The following TENM3 variants were observed in gnomAD, a reference collection of about 807,000 sequenced individuals.
TENM3 encodes the protein teneurin transmembrane protein 3, also known as teneurin-3.
TENM3 carries 63 observed loss-of-function variants against 255.1 expected under a neutral mutation model. The ratio of observed to expected loss-of-function variants is 0.25; its 90% CI spans 0.20 to 0.30. The LOEUF (loss-of-function observed/expected upper bound fraction) is 0.30, where lower values mean the gene tolerates loss of function less well. TENM3 is among the 10% of genes least tolerant of loss of function. The pLI is 1.00. For missense variants in TENM3, 2,929 were observed against 3,461.1 expected (o/e 0.85, Z 3.86); for synonymous variants, 1,306 against 1,322.3 (o/e 0.99, Z 0.27).
intron 19 of TENM3, among the ~76,000 whole-genome samples, chr4:182,749,983 G>GAAA (rs201463686): frequency 0.093 from 4,367 of 47,158 alleles, 166 homozygotes; most frequent in East Asian, 0.46. Context: ...TTATAGAAAG[G>GAAA]AAAAAAAAAA....
At chr4:182,441,561 A>G (rs4861511) in intron 3 of TENM3, among the ~76,000 whole-genome samples, 150,880 of 152,302 alleles carry the variant, frequency 0.99, 74,752 homozygotes, top group East Asian at 1. Flanking sequence ...GCAGTGGTGC[A>G]ATCTCCGCTC....
At chr4:182,318,267 C>T (rs1350606787) in intron 1 of TENM3, among the ~76,000 whole-genome samples, 1 of 151,980 alleles carries the variant, frequency 6.6e-6, no homozygotes, top group Non-Finnish European at 1.5e-5. Context: ...TATATATAAC[C>T]TTATGGAATT....
At chr4:182,296,686 A>G (rs944681809) in intron 1 of TENM3, among the ~76,000 whole-genome samples, 10 of 152,206 alleles carry the variant, frequency 6.6e-5, no homozygotes, top group Admixed American at 6.5e-4. Context: ...GCATCTTTAG[A>G]TTGCTGCCTT....
chr4:182,546,431 A>ATT (rs11424959), intron 3 of TENM3, among the ~76,000 whole-genome samples: 104 of 150,900 alleles, frequency 6.9e-4, no homozygotes, highest in East Asian at 9.8e-4. Context: ...GACATTTACC[A>ATT]TTTTTTTTTG....
the TENM3 span, among the ~76,000 whole-genome samples, chr4:181,618,800 C>T: frequency 6.6e-6 from 1 of 152,132 alleles, no homozygotes; most frequent in Non-Finnish European, 1.5e-5. Flanking sequence ...GTTCCCACTT[C>T]AGTGTTTTGC....
Position 182,650,630 on chromosome 4 carries a change from T to C in TENM3, c.989-3141T>C, listed in dbSNP as rs562975412. The stretch of plus-strand genomic sequence containing the variant: ...TTCTCGTCTCTCTCTCTCCTCTCTC[T>C]AACTTTGGAGAGTCAGCCCCACTAC... On this transcript the variant is annotated intron_variant, in intron 5 of 27. Transcript: ENST00000511685. Among the ~76,000 whole-genome samples, 3 of 149,362 alleles carry C rather than the reference T, an allele frequency of 2.0e-5. 1 individual carries two copies. The South Asian group carries it at 6.7e-4, about 33-fold the overall frequency.
chr4:182,262,044 T>A (rs558177569), intron 1 of TENM3, among the ~76,000 whole-genome samples: 12 of 152,304 alleles, frequency 7.9e-5, no homozygotes, highest in Admixed American at 2.0e-4. Context: ...TATCAATGTT[T>A]CCTTTGTAAA....
the TENM3 span, among the ~76,000 whole-genome samples, chr4:181,837,571 C>T: frequency 6.6e-6 from 1 of 152,160 alleles, no homozygotes; most frequent in Non-Finnish European, 1.5e-5. Context: ...GCAATCATTG[C>T]TGCATGTCCA....
the TENM3 span, among the ~76,000 whole-genome samples, chr4:181,642,392 C>A: frequency 4.6e-5 from 7 of 151,914 alleles, no homozygotes; most frequent in South Asian, 2.1e-4. Flanking sequence ...GTTGGATAGA[C>A]GGCAAAAATT....
chr4:181,998,419 G>T, the TENM3 span, among the ~76,000 whole-genome samples: 13 of 152,074 alleles, frequency 8.5e-5, no homozygotes, highest in African/African-American at 2.9e-4. Context: ...ACCTAAACCC[G>T]TCTTTTACTC....
At chr4:182,011,590 A>G in the TENM3 span, among the ~76,000 whole-genome samples, 12 of 152,338 alleles carry the variant, frequency 7.9e-5, 1 homozygote, top group South Asian at 2.5e-3. Context: ...AATGTAGCAT[A>G]CAATAGTCTG....
At chr4:182,409,393 C>T (rs1490279234) in intron 3 of TENM3, among the ~76,000 whole-genome samples, 1 of 152,172 alleles carries the variant, frequency 6.6e-6, no homozygotes, top group East Asian at 1.9e-4. Context: ...AGCATATTTC[C>T]TTTCATCCCA....
the TENM3 span, among the ~76,000 whole-genome samples, chr4:181,968,143 G>T: frequency 1.3e-5 from 2 of 152,160 alleles, no homozygotes; most frequent in Non-Finnish European, 2.9e-5. Context: ...ATGGATGGAA[G>T]ATATTCAGCC....
rs369192434 is a variant in TENM3 at position 182,606,265 on chromosome 4, T to A, written c.749+5104T>A. Reference sequence around the variant, plus strand: ...CAGGCCGGGCGTGGTGGCTCACGCCTGTAATCCCAGCACTTTGGGAGGCCG... The same window carrying A: ...CAGGCCGGGCGTGGTGGCTCACGCCAGTAATCCCAGCACTTTGGGAGGCCG... On this transcript the variant is annotated intron_variant, in intron 4 of 27. Transcript: ENST00000511685. Among the ~76,000 whole-genome samples the A allele has an allele frequency of 9.2e-5, 14 of 152,284 alleles. No homozygotes were observed. In the East Asian group the frequency reaches 2.3e-3, roughly 25 times the overall value.
At chr4:182,484,367 C>A (rs1734499080) in intron 3 of TENM3, among the ~76,000 whole-genome samples, 1 of 152,152 alleles carries the variant, frequency 6.6e-6, no homozygotes, top group South Asian at 2.1e-4. Flanking sequence ...CATTACCATA[C>A]TTCTCATGTG....
At position 182,525,202 on chromosome 4, in the gene TENM3, G is replaced by A. The variant is rs1047344868; in HGVS notation, c.512-75722G>A. On this transcript the variant is annotated intron_variant, in intron 3 of 27. Transcript: ENST00000511685. ...CCTTGAGTAAGGAACGAATTTAGTA[G>A]TCAGGAAATTTATGAAAGAATTGCC... Among the ~76,000 whole-genome samples the A allele has an allele frequency of 3.9e-5, 6 of 152,192 alleles. No homozygotes were observed. The East Asian group carries it at 9.6e-4, about 24-fold the overall frequency.
intron 1 of TENM3, among the ~76,000 whole-genome samples, chr4:182,230,221 C>T (rs1756472417): frequency 6.6e-6 from 1 of 151,936 alleles, no homozygotes; most frequent in Non-Finnish European, 1.5e-5. Flanking sequence ...GGCATGGCTC[C>T]AGCCCCAAGC....
At chr4:181,774,003 G>GTTTTTTTTTTT in the TENM3 span, among the ~76,000 whole-genome samples, 11 of 90,054 alleles carry the variant, frequency 1.2e-4, no homozygotes, top group East Asian at 2.8e-4. Context: ...TGGTGGCTGT[G>GTTTTTTTTTTT]TTTTTTTTTT....
the TENM3 span, among the ~76,000 whole-genome samples, chr4:181,556,907 A>G: frequency 6.6e-6 from 1 of 152,140 alleles, no homozygotes; most frequent in Non-Finnish European, 1.5e-5. Flanking sequence ...AACGGTTTTG[A>G]CCCTATGAAA....
Sources: gnomAD v4.1 joint callset for allele counts (sites outside exome capture counted in the v4.1 genomes callset) on GRCh38, gnomAD v4.1.1 for gene constraint, MANE v1.5 for transcripts, NCBI Gene and HGNC (gene_info 2026-07-23, HGNC 2026-07-21) for gene names.